The following FERMT1 variants were observed in gnomAD, a reference collection of about 807,000 sequenced individuals.
FERMT1 encodes FERM domain containing kindlin 1.
Under a neutral mutation model 85.3 loss-of-function variants are expected in FERMT1, and 60 were observed. That is an observed-to-expected ratio of 0.70 (90% CI 0.57 to 0.87). The LOEUF is 0.87. Among genes scored for constraint, FERMT1 ranks in the 40% least tolerant of loss-of-function variants. The probability of loss-of-function intolerance (pLI) is 0.00; values close to 1 mark genes in which losing one functional copy is unlikely to be tolerated. For synonymous variants in FERMT1, 275 were observed against 301.1 expected, an observed-to-expected ratio of 0.91 and a Z score of 0.90; for missense variants, 701 against 818.9, an observed-to-expected ratio of 0.86 and a Z score of 1.76.
chr20:6,086,788 C>A (rs1360472189), intron 11 of FERMT1, among the ~76,000 whole-genome samples: 3 of 152,148 alleles, frequency 2.0e-5, no homozygotes, highest in Non-Finnish European at 2.9e-5. Flanking sequence ...TTCCCCTTCA[C>A]CTTCCGCTAA....
At position 6,110,543 on chromosome 20, in the gene FERMT1, T is replaced by C. The variant is rs369967769; in HGVS notation, c.533-32A>G. On this transcript the variant is annotated intron_variant, in intron 4 of 14. Transcript: ENST00000217289. ...GGCAGGGGGATCAAGAACTATGATATGAGAATCCAGGGATATAAATCTTCA... is the reference window on the plus strand; with the variant it reads ...GGCAGGGGGATCAAGAACTATGATACGAGAATCCAGGGATATAAATCTTCA... 2.3e-5 allele frequency: 34 copies of C among 1,491,216 alleles called. 1 individual carries two copies. The African/African-American group carries it at 3.9e-4, about 17-fold the overall frequency. The allele number at this position is 1,491,216 out of a possible 1,614,324, so 92.4% of individuals were successfully genotyped here. A position where few individuals can be genotyped will look rare whatever the true frequency, so the allele number is the denominator to read the frequency against.
chr20:6,079,368 A>G (rs1424730009), intron 14 of FERMT1, 68 bp downstream of exon 14: 1 of 1,519,508 alleles, frequency 6.6e-7, no homozygotes, highest in Non-Finnish European at 9.1e-7. Flanking sequence ...AAAACTCAGA[A>G]TAATCTGCAA....
intron 6 of FERMT1, among the ~76,000 whole-genome samples, chr20:6,105,412 C>T (rs1009705645): frequency 6.6e-6 from 1 of 152,174 alleles, no homozygotes; most frequent in African/African-American, 2.4e-5. Flanking sequence ...GGAAATTTAG[C>T]ATTTCCTCTC....
chr20:6,090,365 G>A (rs557097770), intron 9 of FERMT1, among the ~76,000 whole-genome samples: 71 of 152,176 alleles, frequency 4.7e-4, no homozygotes, highest in African/African-American at 1.6e-3. Flanking sequence ...GAGCCACCAC[G>A]CCCAGCTGGG....
In FERMT1 at chr20:6,079,584, AG is replaced by A; in HGVS notation, c.1719-8del. On this transcript the variant is annotated splice_polypyrimidine_tract_variant and splice_region_variant and intron_variant, in intron 13 of 14. Transcript: ENST00000217289. The stretch of plus-strand genomic sequence containing the variant: ...TTTTTTGCTTCCTTTAAATCTGAAA[AG>A]AATCATAATATTAGTTAAGAGAAGC... 6.2e-7 allele frequency: 1 copy of A among 1,612,610 alleles called. No individual in the cohort carries two copies. Among genetic ancestry groups the A allele is most frequent in the Middle Eastern group, 1.7e-4 (1 of 6,020 alleles).
chr20:6,119,373 A>C (rs754891592), intron 2 of FERMT1, 31 bp downstream of exon 2: 85 of 1,608,520 alleles, frequency 5.3e-5, no homozygotes, highest in Non-Finnish European at 6.6e-5. Flanking sequence ...GGTTTCTAAT[A>C]CAGAGAAACC....
At chr20:6,077,559 C>T (rs1981863942) in intron 14 of FERMT1, among the ~76,000 whole-genome samples, 1 of 152,154 alleles carries the variant, frequency 6.6e-6, no homozygotes, top group Non-Finnish European at 1.5e-5. Flanking sequence ...GACTTTGCTG[C>T]ACGTCTGGTT....
intron 2 of FERMT1, 91 bp from the exon 3 acceptor site, chr20:6,116,135 A>G: frequency 1.1e-6 from 1 of 885,122 alleles, no homozygotes; most frequent in Non-Finnish European, 1.8e-6. Flanking sequence ...TGTGTGCGAA[A>G]ATGGAAACCA....
chr20:6,082,341 C>T (rs6117071), intron 13 of FERMT1, among the ~76,000 whole-genome samples: 24,207 of 152,052 alleles, frequency 0.16, 2,815 homozygotes, highest in East Asian at 0.54. Flanking sequence ...GGAGAAGCTG[C>T]GCTTGGGGAG....
chr20:6,077,288 C>T lies in FERMT1; in HGVS notation c.1919G>A (p.Cys640Tyr). 6.2e-7 allele frequency: 1 copy of T among 1,614,148 alleles called. No homozygotes were observed. The change falls in exon 15 of 15, where the codon TGC (cysteine) becomes TAC (tyrosine). Residue 640 changes from cysteine to tyrosine, a missense_variant. Cys to Tyr is a radical substitution (Grantham distance 194). Transcript: ENST00000217289. ...FTAFTCLSAD[C>Y]KIVHEYIGGY... is the part of the protein sequence containing the mutation. ...GCCAATGTACTCGTGCACAATCTTG[C>T]AATCTGCACTCAGGCAGGTGAAAGC...
At chr20:6,082,980 C>G (rs1427851355) in intron 13 of FERMT1, among the ~76,000 whole-genome samples, 3 of 151,814 alleles carry the variant, frequency 2.0e-5, no homozygotes, top group Non-Finnish European at 4.4e-5. Flanking sequence ...AATAGACTCC[C>G]CTGTTAGAAG....
In FERMT1 at chr20:6,110,325, A is replaced by G. The variant is rs1247624853; in HGVS notation, c.719T>C (p.Leu240Pro). The G allele has an allele frequency of 3.1e-6, 5 of 1,613,242 alleles. No individual in the cohort carries two copies. Among genetic ancestry groups the G allele is most frequent in the Non-Finnish European group, 4.2e-6 (5 of 1,179,828 alleles). ...ALADMYQPRSLVDKAKLNAGW... is the reference protein window; with the variant it reads ...ALADMYQPRSPVDKAKLNAGW... ...TGCATTGAGCTTGGCTTTATCAACC[A>G]GAGACCGAGGCTGGTACATATCCGC... Residue 240 changes from leucine to proline, a missense_variant, in exon 5 of 15, where the codon CTG becomes CCG. Physicochemically the swap from Leu to Pro is moderately conservative, Grantham distance 98 (BLOSUM62 -3). Transcript: ENST00000217289.
At chr20:6,120,040 T>C (rs1983224163) in intron 1 of FERMT1, among the ~76,000 whole-genome samples, 1 of 152,184 alleles carries the variant, frequency 6.6e-6, no homozygotes, top group African/African-American at 2.4e-5. Context: ...ATGCAAATTA[T>C]ACTTCAATAA....
At chr20:6,105,870 A>G (rs1982782576) in intron 6 of FERMT1, among the ~76,000 whole-genome samples, 1 of 152,244 alleles carries the variant, frequency 6.6e-6, no homozygotes, top group Non-Finnish European at 1.5e-5. Context: ...ATGCATGGGC[A>G]TATTTTATGT....
At position 6,096,883 on chromosome 20, in the gene FERMT1, G is replaced by A; in HGVS notation, c.1089+19C>T. The A allele has an allele frequency of 6.3e-7, 1 of 1,597,866 alleles. No individual in the cohort carries two copies. Among genetic ancestry groups the A allele is most frequent in the Non-Finnish European group, 8.5e-7 (1 of 1,170,260 alleles). ...TCAGAAGAAAGCCACAGTTCTGGGT[G>A]ATCAGAAAAAGTTCATACCAAAAGG... On this transcript the variant is annotated intron_variant, in intron 8 of 14. Transcript: ENST00000217289.
intron 11 of FERMT1, among the ~76,000 whole-genome samples, chr20:6,085,922 C>T (rs893564968): frequency 1.3e-5 from 2 of 151,562 alleles, no homozygotes; most frequent in East Asian, 1.9e-4. Context: ...GGGTGGATCA[C>T]GAGGTCAGGA....
rs113470462 is a variant in FERMT1, at chr20:6,097,315, G to A, written c.957+209C>T. On this transcript the variant is annotated intron_variant, in intron 7 of 14. Transcript: ENST00000217289. Reference sequence around the variant, plus strand: ...CTAGTGTCTTACAGAGGATGTGAGCGTGTGTGGATTATGAGGAGCATTTTA... The same window carrying A: ...CTAGTGTCTTACAGAGGATGTGAGCATGTGTGGATTATGAGGAGCATTTTA... Among the ~76,000 whole-genome samples the A allele has an allele frequency of 1.9e-3, 284 of 152,300 alleles. 7 individuals carry two copies. The highest frequency in any genetic ancestry group is 2.1e-3 in the Non-Finnish European group (144 of 68,040).
chr20:6,116,962 C>T (rs1259327685), intron 2 of FERMT1, among the ~76,000 whole-genome samples: 1 of 152,146 alleles, frequency 6.6e-6, no homozygotes, highest in Non-Finnish European at 1.5e-5. Context: ...GCAATAGCCT[C>T]CAATCAAAGT....
intron 13 of FERMT1, among the ~76,000 whole-genome samples, chr20:6,082,401 T>C (rs1186822605): frequency 6.6e-6 from 1 of 152,210 alleles, no homozygotes; most frequent in Non-Finnish European, 1.5e-5. Flanking sequence ...GAGGTGAGAC[T>C]GAAAGCTGGG....
Sources: allele counts gnomAD v4.1 joint callset (sites outside exome capture counted in the v4.1 genomes callset), GRCh38; gene constraint gnomAD v4.1.1; transcripts MANE v1.5; gene names NCBI Gene and HGNC (gene_info 2026-07-23, HGNC 2026-07-21).